ANKS1B: variants seen among roughly 807,000 people sequenced by gnomAD.
ANKS1B encodes the protein ankyrin repeat and sterile alpha motif domain-containing protein 1B.
ANKS1B carries 36 observed loss-of-function variants against 148.3 expected under a neutral mutation model. The observed-to-expected ratio is 0.24, with a 90% confidence interval of 0.19 to 0.32. The LOEUF is 0.32. Among genes scored for constraint, ANKS1B ranks in the 10% least tolerant of loss-of-function variants. The pLI, the probability that ANKS1B is intolerant of heterozygous loss-of-function variation, is 1.00. For synonymous variants in ANKS1B, 542 were observed against 560.8 expected (o/e 0.97, Z 0.47); for missense variants, 1,157 against 1,542.6 (o/e 0.75, Z 4.19).
At chr12:99,928,602 T>A (rs2153805969) in intron 1 of ANKS1B, among the ~76,000 whole-genome samples, 1 of 152,348 alleles carries the variant, frequency 6.6e-6, no homozygotes, top group East Asian at 1.9e-4. Context: ...ATAAAGCTGC[T>A]GACAAATATT....
At chr12:99,225,258 G>A (rs1212883249) in intron 14 of ANKS1B, among the ~76,000 whole-genome samples, 1 of 151,876 alleles carries the variant, frequency 6.6e-6, no homozygotes, top group Admixed American at 6.6e-5. Flanking sequence ...CTGGAAAAGA[G>A]TTTCTTTCTC....
intron 12 of ANKS1B, among the ~76,000 whole-genome samples, chr12:99,276,228 G>A (rs541570041): frequency 4.6e-5 from 7 of 152,200 alleles, no homozygotes; most frequent in Admixed American, 1.3e-4. Context: ...CTCACTAGAC[G>A]GTTTGGGACA....
intron 8 of ANKS1B, among the ~76,000 whole-genome samples, chr12:99,701,765 A>T (rs2054863098): frequency 1.3e-5 from 2 of 152,170 alleles, no homozygotes; most frequent in Non-Finnish European, 2.9e-5. Flanking sequence ...TGATTTTTAG[A>T]TCCCACAAAT....
chr12:99,507,936 C>T lies in ANKS1B; in HGVS notation c.1273-3295G>A, dbSNP rs189033785. Among the ~76,000 whole-genome samples the T allele has an allele frequency of 1.7e-3, 254 of 151,940 alleles. 1 individual carries two copies. The highest frequency in any genetic ancestry group is 6.8e-3 in the Middle Eastern group (2 of 294). On this transcript the variant is annotated intron_variant, in intron 9 of 26. Coordinates refer to ENST00000683438, the MANE Select transcript of ANKS1B (RefSeq NM_001352186.2). ...CCCCATGTTCATCTTTCCAATTTTA[C>T]CCTTTTTCCTCCTCTACCAGGGCTA...
intron 1 of ANKS1B, among the ~76,000 whole-genome samples, chr12:99,928,725 T>C (rs1408607777): frequency 6.6e-6 from 1 of 152,258 alleles, no homozygotes; most frequent in Admixed American, 6.5e-5. Flanking sequence ...TATAAAAAGC[T>C]AACACACATA....
At chr12:99,759,094 T>A (rs903328346) in intron 8 of ANKS1B, among the ~76,000 whole-genome samples, 1 of 151,914 alleles carries the variant, frequency 6.6e-6, no homozygotes, top group African/African-American at 2.4e-5. Flanking sequence ...TTTATTCCCT[T>A]GACTAAGCAT....
At chr12:99,070,004 C>A (rs1462154137) in intron 16 of ANKS1B, among the ~76,000 whole-genome samples, 1 of 152,158 alleles carries the variant, frequency 6.6e-6, no homozygotes, top group Non-Finnish European at 1.5e-5. Context: ...ATTTCTTCAC[C>A]TGCAAAATAG....
At chr12:99,344,474 T>C (rs1425896367) in intron 12 of ANKS1B, among the ~76,000 whole-genome samples, 2 of 152,042 alleles carry the variant, frequency 1.3e-5, no homozygotes, top group East Asian at 3.9e-4. Context: ...CAAAACAAGG[T>C]TGAAATGATA....
chr12:99,123,546 A>G (rs2063501365), intron 15 of ANKS1B, among the ~76,000 whole-genome samples: 1 of 152,172 alleles, frequency 6.6e-6, no homozygotes, highest in Non-Finnish European at 1.5e-5. Flanking sequence ...GCCACCTGCA[A>G]GCTGAGGAGC....
rs573214474 is a variant in ANKS1B, at chr12:99,531,599, C to T, written c.1273-26958G>A. The stretch of plus-strand genomic sequence containing the variant: ...GTATATATACCACATTTTCTTTATC[C>T]GGTCATCAGTTGATGGGCACTGAGA... On this transcript the variant is annotated intron_variant, in intron 9 of 26. Transcript: ENST00000683438. Among the ~76,000 whole-genome samples, 27 of 152,256 alleles carry T rather than the reference C, an allele frequency of 1.8e-4. No individual in the cohort carries two copies. The East Asian group carries it at 3.3e-3, about 18-fold the overall frequency.
intron 17 of ANKS1B, among the ~76,000 whole-genome samples, chr12:98,932,814 A>C (rs185133921): frequency 8.5e-5 from 13 of 152,216 alleles, no homozygotes; most frequent in African/African-American, 2.9e-4. Flanking sequence ...CTTTAATACC[A>C]ATGTGCTTTT....
chr12:99,497,366 T>C (rs576278274), intron 10 of ANKS1B, among the ~76,000 whole-genome samples: 4 of 152,318 alleles, frequency 2.6e-5, no homozygotes, highest in African/African-American at 9.6e-5. Context: ...GATGTGGAAC[T>C]CACAGATACA....
intron 17 of ANKS1B, among the ~76,000 whole-genome samples, chr12:98,844,008 A>G (rs1426308221): frequency 6.6e-6 from 1 of 152,172 alleles, no homozygotes; most frequent in Non-Finnish European, 1.5e-5. Flanking sequence ...CCTTCCCATC[A>G]TGTATTAACA....
At chr12:99,632,096 G>A (rs2098166831) in intron 9 of ANKS1B, among the ~76,000 whole-genome samples, 1 of 152,152 alleles carries the variant, frequency 6.6e-6, no homozygotes, top group Non-Finnish European at 1.5e-5. Context: ...GGTCCAACTT[G>A]TGACTTTGCT....
At chr12:99,518,010 A>T (rs1424538579) in intron 9 of ANKS1B, among the ~76,000 whole-genome samples, 3 of 152,106 alleles carry the variant, frequency 2.0e-5, no homozygotes, top group Admixed American at 6.6e-5. Flanking sequence ...TGTTGATATG[A>T]TGTATTATAT....
At chr12:99,812,534 C>A (rs1602678063) in intron 2 of ANKS1B, among the ~76,000 whole-genome samples, 1 of 94,022 alleles carries the variant, frequency 1.1e-5, no homozygotes, top group Non-Finnish European at 2.2e-5. Context: ...CACACACACA[C>A]ACACACACAC....
chr12:99,106,190 A>G (rs1306195949), intron 15 of ANKS1B, among the ~76,000 whole-genome samples: 3 of 152,224 alleles, frequency 2.0e-5, no homozygotes, highest in Non-Finnish European at 4.4e-5. Flanking sequence ...TACTACTGGC[A>G]GCCTAATTTG....
intron 17 of ANKS1B, among the ~76,000 whole-genome samples, chr12:98,915,941 C>T (rs2099793774): frequency 6.6e-6 from 1 of 152,156 alleles, no homozygotes; most frequent in Admixed American, 6.5e-5. Flanking sequence ...TGAGCACTAA[C>T]AATGGTGGGC....
In ANKS1B at chr12:99,246,571, G is replaced by T. The variant is rs774651652; in HGVS notation, c.2050C>A (p.His684Asn). Residue 684 changes from histidine to asparagine, a missense_variant, in exon 13 of 27, where the codon CAT becomes AAT. This residue lies in a region of ANKS1B where 661 missense variants were observed against 642.1 expected (regional missense o/e 1.03). Transcript: ENST00000683438. Reference sequence around the variant, plus strand: ...GTTGATCTTGTGCCAACAATGGTATGGTTTTCGAGTTGGTTGCTTTTTTTG... The same window carrying T: ...GTTGATCTTGTGCCAACAATGGTATTGTTTTCGAGTTGGTTGCTTTTTTTG... ...FHKKSNQLEN[H>N]TIVGTRSTRS... The T allele has an allele frequency of 3.2e-5, 51 of 1,613,622 alleles. No homozygotes were observed. Among genetic ancestry groups the T allele is most frequent in the South Asian group, 6.6e-5 (6 of 91,072 alleles).
Sources: gnomAD v4.1 joint callset for allele counts (sites outside exome capture counted in the v4.1 genomes callset) on GRCh38, gnomAD v4.1.1 for gene constraint, gnomAD v4.1.1 regional missense constraint, MANE v1.5 for transcripts, NCBI Gene and HGNC (gene_info 2026-07-23, HGNC 2026-07-21) for gene names.